TRMT9B: variants seen among roughly 807,000 people sequenced by gnomAD.
TRMT9B encodes tRNA methyltransferase 9B (putative).
In TRMT9B, 16 loss-of-function variants were observed where a neutral mutation model predicts 11.5. The ratio of observed to expected loss-of-function variants is 1.39; its 90% CI spans 0.94 to 2.11. The LOEUF is 2.11. Among genes scored for constraint, TRMT9B ranks in the 30% most tolerant of loss-of-function variants. The pLI is 0.00. For synonymous variants in TRMT9B, 274 were observed against 192.4 expected, an observed-to-expected ratio of 1.42 and a Z score of -3.51; for missense variants, 941 against 553.8, an observed-to-expected ratio of 1.70 and a Z score of -7.02.
At chr8:12,963,765 T>C (rs1194044690) in intron 1 of TRMT9B, among the ~76,000 whole-genome samples, 8 of 152,190 alleles carry the variant, frequency 5.3e-5, no homozygotes, top group Non-Finnish European at 2.9e-5. Flanking sequence ...AACAAAAATG[T>C]ATACAAGTTT....
chr8:12,993,588 C>A (rs141379755), intron 2 of TRMT9B, among the ~76,000 whole-genome samples: 1 of 152,294 alleles, frequency 6.6e-6, no homozygotes, highest in South Asian at 2.1e-4. Context: ...GATGGCAGTA[C>A]AAACAGAAAG....
Position 13,027,352 on chromosome 8 carries a change from AT to A in TRMT9B, c.*5309del, listed in dbSNP as rs1285106236. The A allele has an allele frequency of 6.0e-6, 1 of 167,072 alleles. No homozygotes were observed. The highest frequency in any genetic ancestry group is 2.4e-5 in the African/African-American group (1 of 41,466). 10.3% of individuals were successfully genotyped at this position (167,072 alleles called of 1,614,324 possible). On this transcript the variant is annotated 3_prime_UTR_variant, in exon 5 of 5. Coordinates refer to ENST00000524591, the MANE Select transcript of TRMT9B (RefSeq NM_020844.3). ...ACAACAAACAACCCTCCCTTAGAGA[AT>A]CATGATGCATATTAGCATATTTAAG... is the stretch of plus-strand genomic sequence containing the variant.
chr8:12,981,990 C>T (rs1003911958), intron 1 of TRMT9B, among the ~76,000 whole-genome samples: 2 of 152,070 alleles, frequency 1.3e-5, no homozygotes, highest in Non-Finnish European at 2.9e-5. Flanking sequence ...AGATCATGAC[C>T]TCCTAAATTT....
intron 1 of TRMT9B, among the ~76,000 whole-genome samples, chr8:12,965,525 A>G (rs1189487828): frequency 1.3e-5 from 2 of 152,178 alleles, no homozygotes; most frequent in African/African-American, 4.8e-5. Flanking sequence ...GATGTCACCA[A>G]ACTCATTAGT....
intron 2 of TRMT9B, among the ~76,000 whole-genome samples, chr8:12,997,504 G>C (rs564933823): frequency 1.3e-5 from 2 of 152,226 alleles, no homozygotes; most frequent in South Asian, 4.2e-4. Flanking sequence ...CCCAGGCTCA[G>C]GAGTTCCTTT....
Position 12,952,123 on chromosome 8 carries a change from C to G in TRMT9B, c.-200+6157C>G, listed in dbSNP as rs2977088. 9.0e-4 allele frequency: 399 copies of G among 443,526 alleles called. 6 individuals are homozygous for G. Among genetic ancestry groups the G allele is most frequent in the Non-Finnish European group, 3.6e-4 (79 of 220,100 alleles). 27.5% of individuals were successfully genotyped at this position (443,526 alleles called of 1,614,324 possible). On this transcript the variant is annotated intron_variant, in intron 1 of 4. Transcript: ENST00000524591. The stretch of plus-strand genomic sequence containing the variant: ...GGCTCTGATGCAAAAGCAGCTTTTG[C>G]CCCTGGCTGCGGGACAGCGCTGTGA...
chr8:12,988,811 G>T (rs974957393), intron 1 of TRMT9B, among the ~76,000 whole-genome samples: 117 of 152,230 alleles, frequency 7.7e-4, no homozygotes, highest in African/African-American at 2.5e-3. Context: ...TTTTTTAGAT[G>T]ATTATATCAA....
At chr8:12,986,419 C>G (rs1159714203) in intron 1 of TRMT9B, among the ~76,000 whole-genome samples, 1 of 152,160 alleles carries the variant, frequency 6.6e-6, no homozygotes, top group Non-Finnish European at 1.5e-5. Context: ...TTGTCCCTGT[C>G]TAGAAAGTGC....
intron 2 of TRMT9B, among the ~76,000 whole-genome samples, chr8:12,995,074 G>A (rs1808095535): frequency 6.6e-6 from 1 of 152,182 alleles, no homozygotes; most frequent in Admixed American, 6.5e-5. Context: ...AGATGTGTCA[G>A]TTTACACACA....
chr8:12,995,313 A>G (rs369813722), intron 2 of TRMT9B, among the ~76,000 whole-genome samples: 1 of 152,246 alleles, frequency 6.6e-6, no homozygotes, highest in Non-Finnish European at 1.5e-5. Flanking sequence ...AAAAAGTTAA[A>G]TGAGCAATTG....
chr8:13,013,116 G>A (rs142808753), intron 4 of TRMT9B, among the ~76,000 whole-genome samples: 385 of 152,176 alleles, frequency 2.5e-3, no homozygotes, highest in Non-Finnish European at 3.9e-3. Flanking sequence ...TTTCTTTTGA[G>A]TAAGAAAGGA....
In TRMT9B at chr8:13,028,061, A is replaced by G. The variant is rs1814907719; in HGVS notation, c.*6017A>G. ...AATCAGAAACTGAAGAGAGTTGATC[A>G]AAGAGAAGATTCTAGCTGAATTGTT... On this transcript the variant is annotated 3_prime_UTR_variant, in exon 5 of 5. Transcript: ENST00000524591. 6.0e-6 allele frequency: 1 copy of G among 167,080 alleles called. No individual in the cohort carries two copies. The highest frequency in any genetic ancestry group is 1.5e-5 in the Non-Finnish European group (1 of 68,126). 10.3% of individuals were successfully genotyped at this position (167,080 alleles called of 1,614,324 possible).
intron 1 of TRMT9B, chr8:12,952,405 G>A (rs1479543169): frequency 3.2e-6 from 1 of 311,982 alleles, no homozygotes; most frequent in East Asian, 1.0e-4. Flanking sequence ...CGGGGTGGCT[G>A]TTTACCTTGC....
At chr8:12,977,744 G>C (rs1252285205) in intron 1 of TRMT9B, among the ~76,000 whole-genome samples, 1 of 152,072 alleles carries the variant, frequency 6.6e-6, no homozygotes, top group African/African-American at 2.4e-5. Flanking sequence ...GCTGGGTGCA[G>C]TGGCTCATGT....
At chr8:12,998,908 A>C (rs764565253) in intron 2 of TRMT9B, among the ~76,000 whole-genome samples, 16 of 152,254 alleles carry the variant, frequency 1.1e-4, no homozygotes, top group Non-Finnish European at 1.9e-4. Flanking sequence ...CAACACATCA[A>C]ATACTCAGAG....
Position 13,020,886 on chromosome 8 carries a change from G to A in TRMT9B, c.329-122G>A, listed in dbSNP as rs533896655. 10 of 605,098 alleles carry A rather than the reference G, an allele frequency of 1.7e-5. No homozygotes were observed. The South Asian group carries it at 1.8e-4, about 11-fold the overall frequency. 37.5% of individuals were successfully genotyped at this position (605,098 alleles called of 1,614,324 possible). On this transcript the variant is annotated intron_variant, in intron 4 of 4. Transcript: ENST00000524591. ...TTTCTGTCATCATCGTTGCCATGGAGGAAATAAGAAGGTTTCATTAGATGT... is the reference window on the plus strand; with the variant it reads ...TTTCTGTCATCATCGTTGCCATGGAAGAAATAAGAAGGTTTCATTAGATGT...
intron 4 of TRMT9B, among the ~76,000 whole-genome samples, chr8:13,015,674 A>G (rs908466305): frequency 6.6e-6 from 1 of 152,128 alleles, no homozygotes; most frequent in Non-Finnish European, 1.5e-5. Context: ...GTAGTCTGCA[A>G]GGCCACCTAT....
At chr8:12,961,750 A>T (rs1239708435) in intron 1 of TRMT9B, 1 of 152,092 alleles carries the variant, frequency 6.6e-6, no homozygotes, top group Admixed American at 6.6e-5. Context: ...CAGGGATCCA[A>T]GTGATGGCAG....
At chr8:12,959,902 G>T (rs1801858920) in intron 1 of TRMT9B, 1 of 152,158 alleles carries the variant, frequency 6.6e-6, no homozygotes, top group Non-Finnish European at 1.5e-5. Context: ...AAAGGAGACA[G>T]GCTACAGCAG....
Sources: gnomAD v4.1 joint callset for allele counts (sites outside exome capture counted in the v4.1 genomes callset) on GRCh38, gnomAD v4.1.1 for gene constraint, MANE v1.5 for transcripts, NCBI Gene and HGNC (gene_info 2026-07-23, HGNC 2026-07-21) for gene names.